Variants in SNAP91 observed in about 807,000 individuals in gnomAD.
SNAP91 encodes clathrin coat assembly protein AP180.
Under a neutral mutation model 100.3 loss-of-function variants are expected in SNAP91, and 27 were observed. That is an observed-to-expected ratio of 0.27 (90% CI 0.20 to 0.37). The LOEUF is 0.37. SNAP91 is among the 10% of genes least tolerant of loss of function. The pLI is 1.00. For missense variants in SNAP91, 986 were observed against 1,123.7 expected, an observed-to-expected ratio of 0.88 and a Z score of 1.75; for synonymous variants, 404 against 398.6, an observed-to-expected ratio of 1.01 and a Z score of -0.16.
intron 2 of SNAP91, among the ~76,000 whole-genome samples, chr6:83,702,408 T>C (rs144878408): frequency 7.2e-5 from 11 of 152,302 alleles, no homozygotes. Context: ...TATTTATTTA[T>C]GAAAAGCTAA....
intron 2 of SNAP91, among the ~76,000 whole-genome samples, chr6:83,697,051 C>A (rs964946795): frequency 1.3e-5 from 2 of 151,966 alleles, no homozygotes; most frequent in Non-Finnish European, 2.9e-5. Flanking sequence ...GGCAAAAGAA[C>A]CCTAAGTTTT....
intron 12 of SNAP91, among the ~76,000 whole-genome samples, chr6:83,609,258 G>GAAAA (rs974575536): frequency 2.1e-5 from 3 of 144,412 alleles, no homozygotes. Flanking sequence ...GGCCGAAAAA[G>GAAAA]AAAAAAAAAA....
intron 22 of SNAP91, among the ~76,000 whole-genome samples, chr6:83,587,918 G>T (rs1190930782): frequency 1.3e-5 from 2 of 152,122 alleles, no homozygotes; most frequent in African/African-American, 2.4e-5. Context: ...AGAAAACAGG[G>T]AAGTATGAAA....
intron 2 of SNAP91, among the ~76,000 whole-genome samples, chr6:83,693,974 T>C (rs2099162941): frequency 6.6e-6 from 1 of 152,238 alleles, no homozygotes; most frequent in South Asian, 2.1e-4. Context: ...TGGATGCATT[T>C]TGAGGCAAAA....
chr6:83,625,741 G>A (rs1554268148), intron 8 of SNAP91, among the ~76,000 whole-genome samples: 1 of 151,748 alleles, frequency 6.6e-6, no homozygotes, highest in Non-Finnish European at 1.5e-5. Context: ...TTTTCTTGGT[G>A]ATTTATTTAA....
intron 13 of SNAP91, among the ~76,000 whole-genome samples, chr6:83,606,693 T>C (rs80342581): frequency 6.6e-6 from 1 of 152,120 alleles, no homozygotes; most frequent in Non-Finnish European, 1.5e-5. Context: ...CATCTTTATC[T>C]TTTTTTACAT....
At chr6:83,575,980 A>G in intron 25 of SNAP91, 43 bp downstream of exon 25, 2 of 1,149,748 alleles carry the variant, frequency 1.7e-6, no homozygotes, top group African/African-American at 3.2e-5. Flanking sequence ...AATGAATACA[A>G]ATATACCATC....
intron 2 of SNAP91, among the ~76,000 whole-genome samples, chr6:83,695,646 C>G (rs1327747689): frequency 6.6e-6 from 1 of 152,074 alleles, no homozygotes; most frequent in Non-Finnish European, 1.5e-5. Flanking sequence ...TATTTATACC[C>G]ATTTACACTT....
intron 2 of SNAP91, 82 bp downstream of exon 2, chr6:83,707,716 G>T (rs2129086742): frequency 6.4e-7 from 1 of 1,555,966 alleles, no homozygotes; most frequent in South Asian, 1.2e-5. Context: ...ACAGCATTAT[G>T]GACCAAGAGC....
intron 9 of SNAP91, 54 bp downstream of exon 9, chr6:83,623,247 A>ATAT: frequency 7.2e-7 from 1 of 1,387,878 alleles, no homozygotes; most frequent in South Asian, 1.2e-5. Flanking sequence ...TTGTGGCAAT[A>ATAT]TATGTTGTAA....
At chr6:83,648,776 C>T (rs765996359) in intron 7 of SNAP91, among the ~76,000 whole-genome samples, 44 of 152,112 alleles carry the variant, frequency 2.9e-4, no homozygotes, top group Admixed American at 5.9e-4. Context: ...AGTGTCTGTT[C>T]AAATCTTTTG....
intron 25 of SNAP91, 195 bp from the exon 26 acceptor site, chr6:83,575,316 GA>G (rs3215619): frequency 1.3e-5 from 7 of 559,880 alleles, no homozygotes; most frequent in East Asian, 6.3e-5. Context: ...AAAAGCATTT[GA>G]AAAAAAATCA....
chr6:83,684,292 G>T (rs1365844502), intron 2 of SNAP91, among the ~76,000 whole-genome samples: 6 of 152,092 alleles, frequency 3.9e-5, no homozygotes, highest in South Asian at 2.1e-4. Context: ...TGAGGAACAT[G>T]GGTTGGGAAA....
intron 8 of SNAP91, among the ~76,000 whole-genome samples, chr6:83,626,752 G>A (rs943448672): frequency 2.0e-5 from 3 of 152,076 alleles, no homozygotes; most frequent in African/African-American, 7.2e-5. Flanking sequence ...AGGTCTAGGA[G>A]TTTTTTGATG....
intron 8 of SNAP91, among the ~76,000 whole-genome samples, chr6:83,640,162 T>C (rs979087145): frequency 6.6e-6 from 1 of 152,182 alleles, no homozygotes; most frequent in Non-Finnish European, 1.5e-5. Flanking sequence ...TGATATTATT[T>C]TGGTCCCAGA....
intron 10 of SNAP91, among the ~76,000 whole-genome samples, chr6:83,616,692 T>C (rs752993699): frequency 1.3e-4 from 20 of 152,152 alleles, no homozygotes; most frequent in Non-Finnish European, 2.8e-4. Context: ...TATTTTTCCA[T>C]ATATTGTGAA....
chr6:83,663,560 C>A (rs987030325), intron 3 of SNAP91, among the ~76,000 whole-genome samples: 1 of 152,062 alleles, frequency 6.6e-6, no homozygotes, highest in South Asian at 2.1e-4. Flanking sequence ...CAGAGCAAGG[C>A]CTCAACTTTT....
intron 2 of SNAP91, among the ~76,000 whole-genome samples, chr6:83,706,328 T>G (rs1466576018): frequency 6.6e-6 from 1 of 152,236 alleles, no homozygotes. Flanking sequence ...GGAAAATGGC[T>G]AAATGATTCA....
At chr6:83,602,879 A>G (rs1284619626) in intron 14 of SNAP91, among the ~76,000 whole-genome samples, 1 of 152,156 alleles carries the variant, frequency 6.6e-6, no homozygotes, top group East Asian at 1.9e-4. Flanking sequence ...GGACAAATGC[A>G]TAATGCATGC....
Sources: gnomAD v4.1 joint callset for allele counts (sites outside exome capture counted in the v4.1 genomes callset) on GRCh38, gnomAD v4.1.1 for gene constraint, MANE v1.5 for transcripts, NCBI Gene and HGNC (gene_info 2026-07-23, HGNC 2026-07-21) for gene names.